The following ZNF17 variants were observed in gnomAD, a reference collection of about 807,000 sequenced individuals.
The protein encoded by ZNF17 is zinc finger protein 17.
In ZNF17, 4 loss-of-function variants were observed where a neutral mutation model predicts 7.7. The ratio of observed to expected loss-of-function variants is 0.52; its 90% CI spans 0.26 to 1.20. The LOEUF (loss-of-function observed/expected upper bound fraction) is 1.20, where lower values mean the gene tolerates loss of function less well. Among genes scored for constraint, ZNF17 ranks in the 50% most tolerant of loss-of-function variants. The pLI, the probability that ZNF17 is intolerant of heterozygous loss-of-function variation, is 0.14. For synonymous variants in ZNF17, 249 were observed against 258.8 expected, an observed-to-expected ratio of 0.96 and a Z score of 0.36; for missense variants, 738 against 799.5, an observed-to-expected ratio of 0.92 and a Z score of 0.93.
chr19:57,416,707 A>G (rs1447417110), intron 2 of ZNF17, among the ~76,000 whole-genome samples: 1 of 151,438 alleles, frequency 6.6e-6, no homozygotes, highest in Admixed American at 6.6e-5. Context: ...ATGGGGTTTT[A>G]CTATCTTGGC....
At chr19:57,418,141 C>T (rs2088823953) in intron 3 of ZNF17, 103 bp downstream of exon 3, 3 of 1,432,344 alleles carry the variant, frequency 2.1e-6, no homozygotes, top group East Asian at 2.3e-5. Flanking sequence ...GCTGCATCCT[C>T]TCCTGGTTTC....
rs949896487 is a variant in ZNF17 at position 57,414,351 on chromosome 19, T to C, written c.21+715T>C. Reference sequence around the variant, plus strand: ...ACCTGGCCTTGTTTTTTTTTTTTTTTCCAGACAGAGGCTAACTCTGTCGCC... The same window carrying C: ...ACCTGGCCTTGTTTTTTTTTTTTTTCCCAGACAGAGGCTAACTCTGTCGCC... On this transcript the variant is annotated intron_variant, in intron 2 of 3. Transcript: ENST00000307658. 1.9e-4 allele frequency among the ~76,000 whole-genome samples: 28 copies of C among 151,324 alleles called. 1 individual carries two copies. The highest frequency in any genetic ancestry group is 6.8e-3 in the Middle Eastern group (2 of 292).
At chr19:57,412,515 G>A (rs950971398) in intron 1 of ZNF17, among the ~76,000 whole-genome samples, 2 of 151,622 alleles carry the variant, frequency 1.3e-5, no homozygotes, top group Non-Finnish European at 2.9e-5. Context: ...CGCGATCTCG[G>A]CTCACTGCAA....
chr19:57,421,220 C>T lies in ZNF17; in HGVS notation c.1734C>T (p.His578=), dbSNP rs1164421243. Reference sequence around the variant, plus strand: ...ACCTCATTCGGCACCAAAAAGTTCACACTAGGGAAAGAACTTACAAATGCA... The same window carrying T: ...ACCTCATTCGGCACCAAAAAGTTCATACTAGGGAAAGAACTTACAAATGCA... ...NSHLIRHQKV[H]TRERTYKCSK... is the part of the protein sequence containing the mutation. The change falls in exon 4 of 4, where the codon CAC becomes CAT. Residue 578 remains histidine (H), a synonymous_variant. Coordinates refer to ENST00000307658, the MANE Select transcript of ZNF17 (RefSeq NM_001330617.2). 3.1e-6 allele frequency: 5 copies of T among 1,614,112 alleles called. No individual in the cohort carries two copies. The highest frequency in any genetic ancestry group is 4.2e-6 in the Non-Finnish European group (5 of 1,180,018).
intron 2 of ZNF17, among the ~76,000 whole-genome samples, chr19:57,415,849 G>T (rs749980065): frequency 6.6e-6 from 1 of 152,158 alleles, no homozygotes; most frequent in Non-Finnish European, 1.5e-5. Flanking sequence ...ACAGGGTTTT[G>T]TGGCAAATAT....
intron 2 of ZNF17, among the ~76,000 whole-genome samples, chr19:57,414,178 C>T (rs1307281489): frequency 6.6e-6 from 1 of 152,054 alleles, no homozygotes; most frequent in East Asian, 1.9e-4. Context: ...GGATTATAGG[C>T]ACCCGCCACC....
intron 1 of ZNF17, among the ~76,000 whole-genome samples, chr19:57,412,255 A>C (rs1253480819): frequency 6.6e-6 from 1 of 152,088 alleles, no homozygotes; most frequent in Non-Finnish European, 1.5e-5. Context: ...GTGGAACAAT[A>C]GGAAGGTCAT....
rs369109905 is a variant in ZNF17, at chr19:57,420,821, A to C, written c.1335A>C (p.Glu445Asp). Reference sequence around the variant, plus strand: ...TTCATACTGGAGAAAAGCCTTATGAATGCAACAAATGTGGGAAATTCTTTA... The same window carrying C: ...TTCATACTGGAGAAAAGCCTTATGACTGCAACAAATGTGGGAAATTCTTTA... ...QRVHTGEKPY[E>D]CNKCGKFFRY... Residue 445 changes from glutamate to aspartate, a missense_variant, in exon 4 of 4, where the codon GAA becomes GAC. Coordinates refer to ENST00000307658, the MANE Select transcript of ZNF17 (RefSeq NM_001330617.2). 13 of 1,613,582 alleles carry C rather than the reference A, an allele frequency of 8.1e-6. No homozygotes were observed. The African/African-American group carries it at 1.7e-4, about 22-fold the overall frequency.
chr19:57,414,190 T>C (rs1000400318), intron 2 of ZNF17, among the ~76,000 whole-genome samples: 31 of 151,670 alleles, frequency 2.0e-4, no homozygotes, highest in Non-Finnish European at 4.4e-5. Context: ...CCCGCCACCA[T>C]GCCCGGCTAA....
rs773616229 is a variant in ZNF17, at chr19:57,419,786, C to T, written c.300C>T (p.His100=). Residue 100 remains histidine, a synonymous_variant, in exon 4 of 4, where the codon CAC becomes CAT. Transcript: ENST00000307658. ...TCSSLLKDIL[H]LAEHDGTHPK... ...GCTCACTTCTGAAGGACATTCTACA[C>T]CTGGCTGAGCATGACGGAACACACC... 20 of 1,614,052 alleles carry T rather than the reference C, an allele frequency of 1.2e-5. No homozygotes were observed. The highest frequency in any genetic ancestry group is 1.5e-5 in the Non-Finnish European group (18 of 1,180,048).
intron 3 of ZNF17, chr19:57,418,963 C>T (rs1055521051): frequency 6.6e-6 from 1 of 152,430 alleles, no homozygotes; most frequent in Non-Finnish European, 1.5e-5. Flanking sequence ...CTCACTGCAA[C>T]CTCTGCTTCC....
In ZNF17 at chr19:57,420,351, T is replaced by C; in HGVS notation, c.865T>C (p.Ser289Pro). ...SECGKAFLRK[S>P]HLLQHQRIHT... ...ATGTGGGAAAGCTTTTCTTAGAAAG[T>C]CTCACCTACTTCAGCACCAGAGGAT... is the stretch of plus-strand genomic sequence containing the variant. Residue 289 changes from serine (S) to proline (P), a missense_variant, in exon 4 of 4, where the codon TCT becomes CCT. Ser to Pro is a moderately conservative substitution (Grantham distance 74). Around this residue, in one of 3 missense-constraint regions of ZNF17, gnomAD observed 616 missense variants for 663.9 expected, o/e 0.93. Transcript: ENST00000307658. The C allele has an allele frequency of 6.2e-7, 1 of 1,614,068 alleles. No homozygotes were observed. The highest frequency in any genetic ancestry group is 2.2e-5 in the East Asian group (1 of 44,868).
rs1219625491 is a variant in ZNF17 at position 57,419,964 on chromosome 19, G to A, written c.478G>A (p.Gly160Ser). The A allele has an allele frequency of 6.2e-7, 1 of 1,614,224 alleles. No homozygotes were observed. The highest frequency in any genetic ancestry group is 1.7e-5 in the Admixed American group (1 of 60,020). Residue 160 changes from glycine to serine, a missense_variant, in exon 4 of 4, where the codon GGT becomes AGT. Coordinates refer to ENST00000307658, the MANE Select transcript of ZNF17 (RefSeq NM_001330617.2). Reference protein sequence around the residue: ...TCMQGGKDFTGDSDLQQQALH... With the variant: ...TCMQGGKDFTSDSDLQQQALH... ...CATGCAGGGTGGCAAGGATTTTACT[G>A]GTGATTCAGATCTTCAACAACAGGC...
chr19:57,415,691 T>C (rs996404060), intron 2 of ZNF17, among the ~76,000 whole-genome samples: 1 of 151,916 alleles, frequency 6.6e-6, no homozygotes, highest in Admixed American at 6.6e-5. Context: ...GTGTGTGTAT[T>C]TGTGTGTTTA....
At chr19:57,414,676 G>T (rs953235631) in intron 2 of ZNF17, among the ~76,000 whole-genome samples, 5 of 150,824 alleles carry the variant, frequency 3.3e-5, no homozygotes, top group African/African-American at 1.2e-4. Context: ...GCTAGGGAAG[G>T]TTTGAGAAAG....
At chr19:57,415,494 C>T (rs1054298940) in intron 2 of ZNF17, among the ~76,000 whole-genome samples, 1 of 151,982 alleles carries the variant, frequency 6.6e-6, no homozygotes. Context: ...TGATAGCCAG[C>T]GTGTACACCA....
At chr19:57,416,259 G>A (rs879702567) in intron 2 of ZNF17, among the ~76,000 whole-genome samples, 6 of 152,118 alleles carry the variant, frequency 3.9e-5, no homozygotes, top group African/African-American at 7.2e-5. Flanking sequence ...ATGGTAACAC[G>A]CCATGGAAAT....
intron 1 of ZNF17, among the ~76,000 whole-genome samples, chr19:57,412,582 C>G (rs933747145): frequency 1.3e-5 from 2 of 148,502 alleles, no homozygotes; most frequent in Non-Finnish European, 3.0e-5. Context: ...GTAGCTGGGA[C>G]TACAAGTGCC....
Position 57,411,214 on chromosome 19 carries a change from G to T in ZNF17, c.-213G>T. 1 of 855,356 alleles carries T rather than the reference G, an allele frequency of 1.2e-6. No homozygotes were observed. The highest frequency in any genetic ancestry group is 1.8e-6 in the Non-Finnish European group (1 of 566,286). The allele number at this position is 855,356 out of a possible 1,614,324, so 53.0% of individuals were successfully genotyped here. ...CTGCGTTGGGATCTGTTCACCTTCA[G>T]GCTGAGTCGAGACTGAGGTGAAAAA... On this transcript the variant is annotated 5_prime_UTR_variant, in exon 1 of 4. In the 5' UTR this introduces an upstream ATG that the reference lacks. Transcript: ENST00000307658.
Sources: allele counts gnomAD v4.1 joint callset (sites outside exome capture counted in the v4.1 genomes callset), GRCh38; gene constraint gnomAD v4.1.1; regional missense constraint gnomAD v4.1.1; transcripts MANE v1.5; gene names NCBI Gene and HGNC (gene_info 2026-07-23, HGNC 2026-07-21).